The following TDRD5 variants were observed in gnomAD, a reference collection of about 807,000 sequenced individuals.
The protein encoded by TDRD5 is tudor domain containing 5.
A neutral mutation model predicts 120.6 loss-of-function variants in TDRD5; 41 were observed. The ratio of observed to expected loss-of-function variants is 0.34; its 90% CI spans 0.26 to 0.44. The LOEUF is 0.44. TDRD5 is among the 20% of genes least tolerant of loss of function. The pLI is 1.00. For synonymous variants in TDRD5, 430 were observed against 433.7 expected, an observed-to-expected ratio of 0.99 and a Z score of 0.11; for missense variants, 1,006 against 1,221.2, an observed-to-expected ratio of 0.82 and a Z score of 2.63.
intron 17 of TDRD5, among the ~76,000 whole-genome samples, chr1:179,684,090 C>T (rs140242834): frequency 1.5e-4 from 23 of 152,160 alleles, no homozygotes; most frequent in African/African-American, 4.6e-4. Flanking sequence ...GGTACATGTG[C>T]ACAGCGTGCA....
At chr1:179,651,170 C>A in intron 12 of TDRD5, 103 bp downstream of exon 12, 1 of 1,232,998 alleles carries the variant, frequency 8.1e-7, no homozygotes, top group Non-Finnish European at 1.1e-6. Flanking sequence ...ATTCTTTAAC[C>A]AATTAGAGAC....
chr1:179,647,921 G>A (rs1236531754), intron 11 of TDRD5, among the ~76,000 whole-genome samples: 2 of 150,376 alleles, frequency 1.3e-5, no homozygotes, highest in East Asian at 3.9e-4. Context: ...CAGTTAGAAT[G>A]GCAATCATTA....
intron 14 of TDRD5, among the ~76,000 whole-genome samples, chr1:179,654,589 A>C (rs909540006): frequency 6.6e-6 from 1 of 152,026 alleles, no homozygotes; most frequent in African/African-American, 2.4e-5. Context: ...ACATGATGAT[A>C]CCTTGTCTCT....
chr1:179,634,675 A>G, intron 8 of TDRD5, 46 bp downstream of exon 8: 1 of 1,532,056 alleles, frequency 6.5e-7, no homozygotes, highest in Non-Finnish European at 8.7e-7. Context: ...AGCATTATGG[A>G]AAGTAAATGA....
intron 17 of TDRD5, among the ~76,000 whole-genome samples, chr1:179,683,713 A>G (rs1273718887): frequency 3.9e-5 from 6 of 152,178 alleles, no homozygotes; most frequent in East Asian, 1.9e-4. Flanking sequence ...ACTGGTGCCA[A>G]TTTGAAGGGT....
intron 17 of TDRD5, among the ~76,000 whole-genome samples, chr1:179,673,739 G>A (rs1679973963): frequency 6.8e-6 from 1 of 147,350 alleles, no homozygotes. Flanking sequence ...GAGTGACTTT[G>A]AGTAGAATGG....
At chr1:179,628,355 C>CTCCAGCTT (rs1677254257) in intron 6 of TDRD5, among the ~76,000 whole-genome samples, 1 of 101,304 alleles carries the variant, frequency 9.9e-6, no homozygotes, top group African/African-American at 4.2e-5. Flanking sequence ...TTTTTTAAGA[C>CTCCAGCTT]GGGGTCTTGC....
chr1:179,659,682 GATTA>G (rs1314557066), intron 14 of TDRD5, among the ~76,000 whole-genome samples: 4 of 142,750 alleles, frequency 2.8e-5, no homozygotes, highest in African/African-American at 1.2e-4. Context: ...CATATAGTTT[GATTA>G]TTTATTTATT....
intron 14 of TDRD5, among the ~76,000 whole-genome samples, chr1:179,656,372 C>T (rs181847847): frequency 6.6e-6 from 1 of 152,210 alleles, no homozygotes; most frequent in Non-Finnish European, 1.5e-5. Context: ...TATTTTCTCA[C>T]TTGTAGCTTG....
chr1:179,643,504 GA>G (rs921884251), intron 11 of TDRD5, among the ~76,000 whole-genome samples: 8 of 152,132 alleles, frequency 5.3e-5, no homozygotes, highest in African/African-American at 1.9e-4. Flanking sequence ...AATTTCTGCA[GA>G]AAGAAACTAT....
At chr1:179,675,685 T>C in intron 17 of TDRD5, among the ~76,000 whole-genome samples, 1 of 152,214 alleles carries the variant, frequency 6.6e-6, no homozygotes, top group East Asian at 1.9e-4. Flanking sequence ...AGTGTTCCTC[T>C]TGGAGTTGAT....
In TDRD5 at chr1:179,640,422, T is replaced by C. The variant is rs779425697; in HGVS notation, c.1777T>C (p.Leu593=). The C allele has an allele frequency of 1.4e-5, 22 of 1,614,172 alleles. No individual in the cohort carries two copies. Among genetic ancestry groups the C allele is most frequent in the Middle Eastern group, 1.6e-4 (1 of 6,062 alleles). The change falls in exon 11 of 18, where the codon TTG becomes CTG. Residue 593 remains leucine, a synonymous_variant. Coordinates refer to ENST00000444136, the MANE Select transcript of TDRD5 (RefSeq NM_001199085.3). ...TCCAGCTCAGGCTATCCCTTGTTCT[T>C]TGGCTTGGGTGAGACCAGTAGAGGT... ...KLPAQAIPCS[L]AWVRPVEEHW...
intron 17 of TDRD5, among the ~76,000 whole-genome samples, chr1:179,671,949 GGTGTGTGTGTGTGTGTGTGTGTGTGT>G (rs111855083): frequency 8.5e-5 from 12 of 141,728 alleles, no homozygotes; most frequent in African/African-American, 2.9e-4. Context: ...AATATTCCAT[GGTGTGTGTGTGTGTGTGTGTGTGTGT>G]GTGTGTGTGT....
At chr1:179,600,697 C>T (rs1002089396) in intron 4 of TDRD5, among the ~76,000 whole-genome samples, 2 of 152,020 alleles carry the variant, frequency 1.3e-5, no homozygotes, top group Admixed American at 6.6e-5. Context: ...CCTCTTTGCT[C>T]TTAAGGTAGA....
chr1:179,664,023 T>C (rs1259611009), intron 16 of TDRD5, among the ~76,000 whole-genome samples: 1 of 152,188 alleles, frequency 6.6e-6, no homozygotes, highest in Non-Finnish European at 1.5e-5. Flanking sequence ...TGTCTGTGAA[T>C]CACGAAATTT....
At chr1:179,607,567 A>C (rs528106578) in intron 4 of TDRD5, among the ~76,000 whole-genome samples, 42 of 151,822 alleles carry the variant, frequency 2.8e-4, no homozygotes, top group Non-Finnish European at 4.6e-4. Context: ...TTATATTTTT[A>C]GTGGATGCCT....
In TDRD5 at chr1:179,659,595, G is replaced by A. The variant is rs866511426; in HGVS notation, c.2323-2509G>A. Reference sequence around the variant, plus strand: ...TGTGTGTGTGTGTGTGTGTGTGCGCGCGCTTGCCTGGTATATTTTTTTCCA... The same window carrying A: ...TGTGTGTGTGTGTGTGTGTGTGCGCACGCTTGCCTGGTATATTTTTTTCCA... On this transcript the variant is annotated intron_variant, in intron 14 of 17. Coordinates refer to ENST00000444136, the MANE Select transcript of TDRD5 (RefSeq NM_001199085.3). Among the ~76,000 whole-genome samples, 16 of 147,046 alleles carry A rather than the reference G, an allele frequency of 1.1e-4. No homozygotes were observed. In the East Asian group the frequency reaches 2.0e-3, roughly 18 times the overall value.
At chr1:179,655,048 A>G (rs1678927006) in intron 14 of TDRD5, among the ~76,000 whole-genome samples, 1 of 151,416 alleles carries the variant, frequency 6.6e-6, no homozygotes. Flanking sequence ...ATCCCCCATG[A>G]CTCCTTCCCC....
chr1:179,595,587 C>A, intron 3 of TDRD5, 41 bp from the exon 4 acceptor site: 1 of 1,497,786 alleles, frequency 6.7e-7, no homozygotes, highest in Non-Finnish European at 9.0e-7. Flanking sequence ...ATAGAAGTTG[C>A]TAGTGACAAT....
Sources: allele counts gnomAD v4.1 joint callset (sites outside exome capture counted in the v4.1 genomes callset), GRCh38; gene constraint gnomAD v4.1.1; transcripts MANE v1.5; gene names NCBI Gene and HGNC (gene_info 2026-07-23, HGNC 2026-07-21).